Variants in MTA3 observed in about 807,000 individuals in gnomAD.
MTA3 encodes the protein metastasis associated 1 family member 3.
Under a neutral mutation model 83.5 loss-of-function variants are expected in MTA3, and 34 were observed. That is an observed-to-expected ratio of 0.41 (90% CI 0.31 to 0.54). The LOEUF is 0.54. MTA3 is among the 20% of genes least tolerant of loss of function. MTA3 has a pLI of 0.33. For synonymous variants in MTA3, 303 were observed against 252.7 expected (o/e 1.20, Z -1.89); for missense variants, 761 against 726.4 (o/e 1.05, Z -0.55).
At chr2:42,674,144 T>G (rs544939395) in intron 8 of MTA3, among the ~76,000 whole-genome samples, 4 of 152,362 alleles carry the variant, frequency 2.6e-5, no homozygotes, top group African/African-American at 9.6e-5. Context: ...AGGCCAAATG[T>G]GCAAACACTT....
intron 2 of MTA3, chr2:42,532,829 T>C: frequency 4.9e-6 from 2 of 412,312 alleles, no homozygotes; most frequent in Non-Finnish European, 9.6e-6. Context: ...TCTCACAGTG[T>C]GCTTCTCTGG....
chr2:42,708,192 C>T, intron 13 of MTA3, 138 bp downstream of exon 13: 1 of 873,748 alleles, frequency 1.1e-6, no homozygotes, highest in East Asian at 2.9e-5. Flanking sequence ...CTACAATATT[C>T]AGGGTAGGTG....
chr2:42,593,339 A>C (rs1479243188), intron 3 of MTA3, among the ~76,000 whole-genome samples: 1 of 64,260 alleles, frequency 1.6e-5, no homozygotes, highest in Non-Finnish European at 2.9e-5. Context: ...TGACAGAGCG[A>C]GACTCTGTGT....
intron 16 of MTA3, among the ~76,000 whole-genome samples, chr2:42,749,672 TG>T (rs1669718171): frequency 6.6e-6 from 1 of 152,092 alleles, no homozygotes; most frequent in Non-Finnish European, 1.5e-5. Context: ...TTTGTCGTGT[TG>T]GCCAGGCTGG....
intron 4 of MTA3, among the ~76,000 whole-genome samples, chr2:42,622,178 A>G (rs376182313): frequency 9.9e-5 from 15 of 152,010 alleles, no homozygotes; most frequent in African/African-American, 2.9e-4. Flanking sequence ...CGAGGCTGGC[A>G]GATCACTCGC....
At chr2:42,687,890 G>C (rs1477747057) in intron 9 of MTA3, among the ~76,000 whole-genome samples, 1 of 152,134 alleles carries the variant, frequency 6.6e-6, no homozygotes, top group African/African-American at 2.4e-5. Flanking sequence ...TCTGACTCCA[G>C]GGCAAGGTGT....
At chr2:42,743,763 C>G (rs1669207987) in intron 16 of MTA3, among the ~76,000 whole-genome samples, 1 of 152,018 alleles carries the variant, frequency 6.6e-6, no homozygotes, top group Non-Finnish European at 1.5e-5. Flanking sequence ...GCATCCCAAC[C>G]CTGGGAAATG....
At chr2:42,570,848 T>C (rs1678395310) in intron 2 of MTA3, among the ~76,000 whole-genome samples, 1 of 151,456 alleles carries the variant, frequency 6.6e-6, no homozygotes, top group South Asian at 2.1e-4. Flanking sequence ...CCGTCTGTAC[T>C]AAAAATACAA....
chr2:42,551,411 G>C (rs1381475764), intron 2 of MTA3, among the ~76,000 whole-genome samples: 1 of 151,890 alleles, frequency 6.6e-6, no homozygotes, highest in Non-Finnish European at 1.5e-5. Context: ...CCCTGTTCTC[G>C]AACTCCTGAC....
intron 16 of MTA3, among the ~76,000 whole-genome samples, chr2:42,735,850 T>C (rs940549691): frequency 2.0e-5 from 3 of 152,202 alleles, no homozygotes; most frequent in Non-Finnish European, 2.9e-5. Context: ...ATTCTATTAT[T>C]GAATTCTGTT....
Position 42,695,811 on chromosome 2 carries a change from G to A in MTA3, c.938G>A (p.Trp313Ter). The part of the protein sequence containing the change: ...LTSIIEYYYM[W>*]KTTDRYVQQK... ...AGCATCATTGAATATTATTACATGT[G>A]GAAAACTACTGACAGATATGTGCAA... is the stretch of plus-strand genomic sequence containing the variant. Residue 313 changes from tryptophan to a stop codon, truncating the protein, a stop_gained, in exon 10 of 17, where the codon TGG (tryptophan) becomes TAG (stop). Coordinates refer to ENST00000405094, the MANE Select transcript of MTA3 (RefSeq NM_001330442.2). LOFTEE classifies it high-confidence loss of function. 6.3e-7 allele frequency: 1 copy of A among 1,583,134 alleles called. No individual in the cohort carries two copies. Among genetic ancestry groups the A allele is most frequent in the Non-Finnish European group, 8.6e-7 (1 of 1,165,572 alleles).
At chr2:42,539,065 C>T (rs777251903) in intron 2 of MTA3, among the ~76,000 whole-genome samples, 10 of 152,078 alleles carry the variant, frequency 6.6e-5, no homozygotes, top group Non-Finnish European at 1.5e-4. Flanking sequence ...TGAGCCACCG[C>T]TCCCGGCCTG....
At chr2:42,601,952 A>G (rs567404292) in intron 3 of MTA3, among the ~76,000 whole-genome samples, 29 of 152,136 alleles carry the variant, frequency 1.9e-4, no homozygotes, top group African/African-American at 7.0e-4. Flanking sequence ...GAATTCTCCC[A>G]CCTCAGCCCC....
At chr2:42,532,790 C>T in intron 2 of MTA3, 1 of 351,042 alleles carries the variant, frequency 2.8e-6, no homozygotes, top group Non-Finnish European at 5.6e-6. Context: ...GAATGGGTTC[C>T]AGCAGCTCGG....
At chr2:42,621,009 C>G (rs932539857) in intron 4 of MTA3, among the ~76,000 whole-genome samples, 2 of 151,908 alleles carry the variant, frequency 1.3e-5, no homozygotes, top group Non-Finnish European at 2.9e-5. Context: ...AGACATACAT[C>G]AAAACATCAT....
At chr2:42,590,747 A>C (rs1346502384) in intron 3 of MTA3, among the ~76,000 whole-genome samples, 3 of 151,192 alleles carry the variant, frequency 2.0e-5, no homozygotes. Flanking sequence ...CAGCCTCCTG[A>C]GTAGCTGGGA....
intron 14 of MTA3, among the ~76,000 whole-genome samples, chr2:42,711,637 A>G (rs1422431931): frequency 2.0e-5 from 3 of 152,148 alleles, no homozygotes; most frequent in Non-Finnish European, 4.4e-5. Flanking sequence ...TTATGCTATC[A>G]TCTCTTCTGT....
chr2:42,652,935 C>T (rs1045771251), intron 6 of MTA3, among the ~76,000 whole-genome samples: 2 of 151,974 alleles, frequency 1.3e-5, no homozygotes, highest in Non-Finnish European at 2.9e-5. Flanking sequence ...GCAAAGAAAA[C>T]GTTATTGTAT....
intron 3 of MTA3, among the ~76,000 whole-genome samples, chr2:42,594,567 C>T (rs1006533246): frequency 1.3e-5 from 2 of 148,268 alleles, no homozygotes; most frequent in African/African-American, 4.9e-5. Context: ...CTTTACTAAT[C>T]TTACAGATTA....
Sources: gnomAD v4.1 joint callset for allele counts (sites outside exome capture counted in the v4.1 genomes callset) on GRCh38, gnomAD v4.1.1 for gene constraint, MANE v1.5 for transcripts, NCBI Gene and HGNC (gene_info 2026-07-23, HGNC 2026-07-21) for gene names.